The following MTA3 variants were observed in gnomAD, a reference collection of about 807,000 sequenced individuals.
The protein encoded by MTA3 is metastasis-associated protein MTA3.
Under a neutral mutation model 83.5 loss-of-function variants are expected in MTA3, and 34 were observed. The observed-to-expected ratio is 0.41, with a 90% confidence interval of 0.31 to 0.54. The LOEUF (loss-of-function observed/expected upper bound fraction) is 0.54, where lower values mean the gene tolerates loss of function less well. Ranked by LOEUF, MTA3 falls within the 20% of genes least tolerant of loss-of-function variation. The pLI is 0.33. For synonymous variants in MTA3, 303 were observed against 252.7 expected (o/e 1.20, Z -1.89); for missense variants, 761 against 726.4 (o/e 1.05, Z -0.55).
chr2:42,653,992 CTG>C (rs372671926), intron 6 of MTA3, among the ~76,000 whole-genome samples: 7 of 152,326 alleles, frequency 4.6e-5, no homozygotes, highest in African/African-American at 1.7e-4. Context: ...TGGCTTGCAA[CTG>C]TTTGATTTTT....
chr2:42,531,390 C>T (rs1675957666), intron 2 of MTA3, among the ~76,000 whole-genome samples: 2 of 143,822 alleles, frequency 1.4e-5, no homozygotes, highest in South Asian at 4.6e-4. Context: ...ATGTAACACA[C>T]AAAGAGTGGA....
At chr2:42,571,386 CAAAAAAA>C (rs34003791) in intron 2 of MTA3, among the ~76,000 whole-genome samples, 1 of 63,806 alleles carries the variant, frequency 1.6e-5, no homozygotes, top group Non-Finnish European at 2.9e-5. Flanking sequence ...AACACTGTCT[CAAAAAAA>C]AAAAAAAAAA....
chr2:42,676,103 A>C (rs1308968883), intron 8 of MTA3, among the ~76,000 whole-genome samples: 1 of 152,238 alleles, frequency 6.6e-6, no homozygotes, highest in Non-Finnish European at 1.5e-5. Flanking sequence ...CCTGGTGAAC[A>C]GTAATTCCAA....
At chr2:42,704,116 G>A (rs555980795) in intron 11 of MTA3, 78 bp from the exon 12 acceptor site, 154 of 1,430,148 alleles carry the variant, frequency 1.1e-4, no homozygotes, top group Admixed American at 2.9e-4. Flanking sequence ...AAATAGTGAC[G>A]GTAAATCAGT....
intron 2 of MTA3, among the ~76,000 whole-genome samples, chr2:42,557,901 C>T (rs890719221): frequency 3.3e-5 from 5 of 152,124 alleles, no homozygotes; most frequent in Non-Finnish European, 5.9e-5. Context: ...TCTCTGTGTC[C>T]TTGGAGTCGT....
chr2:42,703,358 T>C (rs1665762287), intron 11 of MTA3: 1 of 152,192 alleles, frequency 6.6e-6, no homozygotes, highest in Admixed American at 6.6e-5. Flanking sequence ...GGCCAGAAGC[T>C]CCTGAAGTCC....
chr2:42,626,291 G>C (rs1686083447), intron 4 of MTA3, among the ~76,000 whole-genome samples: 1 of 146,696 alleles, frequency 6.8e-6, no homozygotes, highest in Non-Finnish European at 1.5e-5. Context: ...CTGAACAGGA[G>C]CTCCATTTTT....
upstream of MTA3, among the ~76,000 whole-genome samples, chr2:42,494,398 C>T (rs1477813989): frequency 2.0e-5 from 3 of 152,320 alleles, no homozygotes; most frequent in Non-Finnish European, 2.9e-5. Flanking sequence ...GTTTGGAGAG[C>T]TTTTTCCAGA....
chr2:42,688,612 GT>G (rs1382193907), intron 9 of MTA3, among the ~76,000 whole-genome samples: 2 of 109,654 alleles, frequency 1.8e-5, no homozygotes, highest in Non-Finnish European at 3.4e-5. Context: ...TTGCATTCAA[GT>G]GTTTTTTTTT....
At chr2:42,576,940 A>G (rs1010208977) in intron 2 of MTA3, among the ~76,000 whole-genome samples, 54 of 149,512 alleles carry the variant, frequency 3.6e-4, no homozygotes, top group East Asian at 2.4e-3. Context: ...CTAAACTGAA[A>G]ATACTTACTT....
chr2:42,610,488 A>C (rs1684057344), intron 4 of MTA3, among the ~76,000 whole-genome samples: 1 of 152,208 alleles, frequency 6.6e-6, no homozygotes, highest in Non-Finnish European at 1.5e-5. Context: ...CCATTAATTA[A>C]ATTCTTTTTC....
intron 2 of MTA3, among the ~76,000 whole-genome samples, chr2:42,577,845 A>G (rs990363967): frequency 1.3e-5 from 2 of 152,206 alleles, no homozygotes; most frequent in South Asian, 2.1e-4. Flanking sequence ...GTTTCAAGGC[A>G]TATCTCAAGA....
chr2:42,645,677 A>G (rs975861439), intron 6 of MTA3, among the ~76,000 whole-genome samples: 1 of 152,184 alleles, frequency 6.6e-6, no homozygotes. Flanking sequence ...CAGGGCCCTA[A>G]GTCTCTTCAA....
At chr2:42,689,897 T>G (rs1692723102) in intron 9 of MTA3, among the ~76,000 whole-genome samples, 1 of 151,888 alleles carries the variant, frequency 6.6e-6, no homozygotes, top group African/African-American at 2.4e-5. Context: ...TCTGTTTCAG[T>G]GATTTCTGCT....
In MTA3 at chr2:42,609,461, A is replaced by C; in HGVS notation, c.194A>C (p.Glu65Ala). Residue 65 changes from glutamate to alanine, a missense_variant, in exon 4 of 17, where the codon GAA becomes GCA. Coordinates refer to ENST00000405094, the MANE Select transcript of MTA3 (RefSeq NM_001330442.2). ...TCTTTGAATTTTATTTGTGTAGAAGAAATTGAGGAAGAATCTGAAACAACA... is the reference window on the plus strand; with the variant it reads ...TCTTTGAATTTTATTTGTGTAGAAGCAATTGAGGAAGAATCTGAAACAACA... ...LIMLADKHAKEIEEESETTVE... is the reference protein window; with the variant it reads ...LIMLADKHAKAIEEESETTVE... 1 of 1,613,562 alleles carries C rather than the reference A, an allele frequency of 6.2e-7. No homozygotes were observed. Among genetic ancestry groups the C allele is most frequent in the Non-Finnish European group, 8.5e-7 (1 of 1,179,634 alleles).
rs543216673 is a variant in MTA3 at position 42,507,088 on chromosome 2, A to G, written c.-141+11834A>G. Among the ~76,000 whole-genome samples the G allele has an allele frequency of 5.3e-5, 8 of 152,084 alleles. No homozygotes were observed. In the South Asian group the frequency reaches 1.7e-3, roughly 32 times the overall value. On this transcript the variant is annotated intron_variant, in intron 2 of 17. Transcript: ENST00000405592. Reference sequence around the variant, plus strand: ...GCTAATTTTTTAATTTTTTGTAGAGAGAAGGTCTCACTGTGTTTCTGAGGT... The same window carrying G: ...GCTAATTTTTTAATTTTTTGTAGAGGGAAGGTCTCACTGTGTTTCTGAGGT...
chr2:42,748,742 C>T (rs1475674930), intron 16 of MTA3, among the ~76,000 whole-genome samples: 1 of 152,136 alleles, frequency 6.6e-6, no homozygotes, highest in Non-Finnish European at 1.5e-5. Context: ...TGCGCCCAGC[C>T]AGTCCAATCA....
At chr2:42,512,601 A>G (rs1021976058) in intron 2 of MTA3, among the ~76,000 whole-genome samples, 1 of 152,216 alleles carries the variant, frequency 6.6e-6, no homozygotes, top group African/African-American at 2.4e-5. Flanking sequence ...AAGGACAATT[A>G]GAACAAATGT....
chr2:42,626,977 G>GTGTT (rs1686169371), intron 4 of MTA3, among the ~76,000 whole-genome samples: 1 of 151,950 alleles, frequency 6.6e-6, no homozygotes, highest in South Asian at 2.1e-4. Flanking sequence ...CTGACCTCAG[G>GTGTT]TGATCTGCCT....
Sources: allele counts gnomAD v4.1 joint callset (sites outside exome capture counted in the v4.1 genomes callset), GRCh38; gene constraint gnomAD v4.1.1; transcripts MANE v1.5; gene names NCBI Gene and HGNC (gene_info 2026-07-23, HGNC 2026-07-21).